Variants in ANXA4 observed in about 807,000 individuals in gnomAD.
ANXA4 encodes the protein 35-beta calcimedin.
Under a neutral mutation model 49.8 loss-of-function variants are expected in ANXA4, and 39 were observed. The ratio of observed to expected loss-of-function variants is 0.78; its 90% confidence interval spans 0.61 to 1.02. ANXA4 has a LOEUF of 1.02. ANXA4 is among the 50% of genes least tolerant of loss of function. The pLI is 0.00. For synonymous variants in ANXA4, 134 were observed against 152.5 expected, an observed-to-expected ratio of 0.88 and a Z score of 0.89; for missense variants, 360 against 410.1, an observed-to-expected ratio of 0.88 and a Z score of 1.05.
intron 3 of ANXA4, among the ~76,000 whole-genome samples, chr2:69,725,597 C>G (rs949918402): frequency 5.3e-5 from 8 of 152,088 alleles, no homozygotes; most frequent in African/African-American, 1.9e-4. Flanking sequence ...CAGAACACTT[C>G]CATCACGCTG....
intron 3 of ANXA4, among the ~76,000 whole-genome samples, chr2:69,794,829 A>C (rs997700225): frequency 6.6e-6 from 1 of 152,116 alleles, no homozygotes; most frequent in Non-Finnish European, 1.5e-5. Context: ...TTCCCAAAAG[A>C]GAGAGGGGTG....
intron 3 of ANXA4, among the ~76,000 whole-genome samples, chr2:69,791,579 A>G (rs1049463299): frequency 2.0e-5 from 3 of 152,246 alleles, no homozygotes; most frequent in African/African-American, 7.2e-5. Context: ...ACTCTAAAAA[A>G]TAAAATAAGG....
At chr2:69,760,708 G>A (rs930334645) in intron 1 of ANXA4, among the ~76,000 whole-genome samples, 1 of 152,122 alleles carries the variant, frequency 6.6e-6, no homozygotes, top group African/African-American at 2.4e-5. Context: ...GCACTGAGAA[G>A]ATAAATAAAC....
intron 2 of ANXA4, among the ~76,000 whole-genome samples, chr2:69,718,804 C>T (rs1268704025): frequency 1.6e-5 from 2 of 128,338 alleles, no homozygotes; most frequent in East Asian, 3.9e-4. Flanking sequence ...TACGTGCATA[C>T]ACACACATGC....
At chr2:69,692,117 T>C (rs1261894407) in intron 2 of ANXA4, among the ~76,000 whole-genome samples, 1 of 152,180 alleles carries the variant, frequency 6.6e-6, no homozygotes, top group African/African-American at 2.4e-5. Flanking sequence ...ACTCCTGACC[T>C]CAGGTGATCC....
chr2:69,687,834 C>T (rs984778838), intron 2 of ANXA4, among the ~76,000 whole-genome samples: 2 of 152,212 alleles, frequency 1.3e-5, no homozygotes, highest in African/African-American at 2.4e-5. Flanking sequence ...ATCATCTATC[C>T]TCCCATCTAC....
At chr2:69,814,211 G>T (rs1558523413) in intron 8 of ANXA4, among the ~76,000 whole-genome samples, 1 of 152,110 alleles carries the variant, frequency 6.6e-6, no homozygotes. Context: ...GGGCTTCTTG[G>T]AGCACGGCAG....
chr2:69,667,706 A>G (rs1000934506), intron 2 of ANXA4, among the ~76,000 whole-genome samples: 1 of 152,118 alleles, frequency 6.6e-6, no homozygotes, highest in Non-Finnish European at 1.5e-5. Context: ...TTATCTATTG[A>G]CCCAACAATG....
At chr2:69,670,815 A>G (rs981491990) in intron 2 of ANXA4, among the ~76,000 whole-genome samples, 2 of 152,024 alleles carry the variant, frequency 1.3e-5, no homozygotes, top group African/African-American at 4.8e-5. Context: ...GCTTGAGCTA[A>G]GGAGTTTGAG....
At chr2:69,773,102 G>A (rs865948650) in intron 1 of ANXA4, among the ~76,000 whole-genome samples, 1 of 152,194 alleles carries the variant, frequency 6.6e-6, no homozygotes, top group Non-Finnish European at 1.5e-5. Context: ...ATATAAATGT[G>A]TATATTACAC....
intron 1 of ANXA4, among the ~76,000 whole-genome samples, chr2:69,646,713 C>A (rs1359760300): frequency 6.6e-6 from 1 of 152,150 alleles, no homozygotes; most frequent in Non-Finnish European, 1.5e-5. Context: ...GAAGAGTAAA[C>A]CATCTTCTAA....
Position 69,758,887 on chromosome 2 carries a change from C to T in ANXA4, c.-47+16712C>T, listed in dbSNP as rs181369153. Among the ~76,000 whole-genome samples the T allele has an allele frequency of 3.4e-3, 518 of 152,140 alleles. 3 individuals carry two copies. Among genetic ancestry groups the T allele is most frequent in the African/African-American group, 0.012 (486 of 41,480 alleles). Reference sequence around the variant, plus strand: ...GTGGCTCATGCCTGTAATCCCAGCACTTTGGGAGGCTGAGCCTCGCAGATC... The same window carrying T: ...GTGGCTCATGCCTGTAATCCCAGCATTTTGGGAGGCTGAGCCTCGCAGATC... On this transcript the variant is annotated intron_variant, in intron 1 of 12. Transcript: ENST00000394295.
At chr2:69,786,804 C>A (rs1223591329) in intron 2 of ANXA4, among the ~76,000 whole-genome samples, 1 of 152,016 alleles carries the variant, frequency 6.6e-6, no homozygotes, top group Non-Finnish European at 1.5e-5. Context: ...TCACTGCAGT[C>A]TCCACCTCCT....
chr2:69,705,490 A>G (rs1678457266), intron 2 of ANXA4, among the ~76,000 whole-genome samples: 2 of 152,208 alleles, frequency 1.3e-5, no homozygotes, highest in South Asian at 2.1e-4. Context: ...AGTTCACCCT[A>G]AAGTGTAAGC....
At chr2:69,766,489 C>T (rs1022423723) in intron 1 of ANXA4, among the ~76,000 whole-genome samples, 3 of 152,068 alleles carry the variant, frequency 2.0e-5, no homozygotes, top group Non-Finnish European at 4.4e-5. Context: ...TAGAAAGTAC[C>T]TTTAGGAGGA....
chr2:69,643,827 G>C, upstream of ANXA4: 4 of 1,183,404 alleles, frequency 3.4e-6, no homozygotes, highest in Non-Finnish European at 4.2e-6. Context: ...GCCCCTCGGG[G>C]CGGCGCGGCG....
At chr2:69,697,516 G>C (rs1475506629) in intron 2 of ANXA4, among the ~76,000 whole-genome samples, 6 of 152,116 alleles carry the variant, frequency 3.9e-5, no homozygotes. Flanking sequence ...TTTCCTTCAA[G>C]AATTTTTCCT....
At chr2:69,693,812 A>C (rs1164700417) in intron 2 of ANXA4, among the ~76,000 whole-genome samples, 1 of 152,134 alleles carries the variant, frequency 6.6e-6, no homozygotes, top group Non-Finnish European at 1.5e-5. Context: ...AAATGACAAC[A>C]CAGGCCCCTT....
chr2:69,706,218 G>C (rs72901441), intron 2 of ANXA4, among the ~76,000 whole-genome samples: 2 of 147,946 alleles, frequency 1.4e-5, no homozygotes, highest in African/African-American at 5.0e-5. Flanking sequence ...TTGCTAAATG[G>C]CATTTCAGTA....
Sources: allele counts gnomAD v4.1 joint callset (sites outside exome capture counted in the v4.1 genomes callset), GRCh38; gene constraint gnomAD v4.1.1; transcripts MANE v1.5; gene names NCBI Gene and HGNC (gene_info 2026-07-23, HGNC 2026-07-21).